Variants in FAM171A1 observed in about 807,000 individuals in gnomAD.
FAM171A1 encodes protein FAM171A1.
FAM171A1 carries 23 observed loss-of-function variants against 74.9 expected under a neutral mutation model. That is an observed-to-expected ratio of 0.31 (90% CI 0.22 to 0.44). FAM171A1 has a LOEUF of 0.44. Ranked by LOEUF, FAM171A1 falls within the 20% of genes least tolerant of loss-of-function variation. The probability of loss-of-function intolerance (pLI) is 1.00; values close to 1 mark genes in which losing one functional copy is unlikely to be tolerated. For synonymous variants in FAM171A1, 527 were observed against 505.7 expected (o/e 1.04, Z -0.57); for missense variants, 1,162 against 1,159.2 (o/e 1.00, Z -0.03).
intron 1 of FAM171A1, among the ~76,000 whole-genome samples, chr10:15,354,960 C>T (rs1037987535): frequency 2.9e-4 from 44 of 152,322 alleles, no homozygotes; most frequent in African/African-American, 1.0e-3. Flanking sequence ...AATAGATATG[C>T]TTAGAACTTA....
intron 3 of FAM171A1, among the ~76,000 whole-genome samples, chr10:15,260,053 C>T (rs1347217310): frequency 6.6e-6 from 1 of 152,084 alleles, no homozygotes; most frequent in Non-Finnish European, 1.5e-5. Flanking sequence ...TCTCAAACTC[C>T]TGGGCTCAAG....
At chr10:15,264,060 C>A (rs543360204) in intron 3 of FAM171A1, among the ~76,000 whole-genome samples, 1 of 152,066 alleles carries the variant, frequency 6.6e-6, no homozygotes, top group Admixed American at 6.5e-5. Flanking sequence ...CTCACTGCAA[C>A]CTTGAACTCC....
At chr10:15,261,249 C>T (rs923806447) in intron 3 of FAM171A1, among the ~76,000 whole-genome samples, 18 of 152,160 alleles carry the variant, frequency 1.2e-4, no homozygotes, top group Non-Finnish European at 1.8e-4. Flanking sequence ...AAACTAAAGC[C>T]GGAGGGTTGC....
intron 5 of FAM171A1, among the ~76,000 whole-genome samples, chr10:15,247,551 C>T (rs1834450847): frequency 6.6e-6 from 1 of 152,180 alleles, no homozygotes; most frequent in South Asian, 2.1e-4. Flanking sequence ...GTATAGTCTA[C>T]TCTCAGTGCT....
At chr10:15,360,795 A>G (rs1835984242) in intron 1 of FAM171A1, among the ~76,000 whole-genome samples, 1 of 152,218 alleles carries the variant, frequency 6.6e-6, no homozygotes, top group Non-Finnish European at 1.5e-5. Flanking sequence ...TTATGCCCCA[A>G]TCTGCTTTCT....
At chr10:15,293,920 T>G (rs1398820079) in intron 1 of FAM171A1, among the ~76,000 whole-genome samples, 1 of 152,138 alleles carries the variant, frequency 6.6e-6, no homozygotes, top group East Asian at 1.9e-4. Flanking sequence ...TTTCCCAGCC[T>G]CCCCTGTAGC....
chr10:15,259,459 C>T (rs1834628375), intron 3 of FAM171A1, among the ~76,000 whole-genome samples: 1 of 152,024 alleles, frequency 6.6e-6, no homozygotes, highest in Non-Finnish European at 1.5e-5. Context: ...ACAAAAAAAA[C>T]AACAAAAATG....
At chr10:15,218,504 A>G (rs1021287935) in intron 6 of FAM171A1, among the ~76,000 whole-genome samples, 5 of 152,320 alleles carry the variant, frequency 3.3e-5, no homozygotes, top group African/African-American at 9.6e-5. Flanking sequence ...TGAAAGCCCA[A>G]TATTAGTATA....
intron 1 of FAM171A1, among the ~76,000 whole-genome samples, chr10:15,336,450 T>C (rs35883774): frequency 0.072 from 10,954 of 152,214 alleles, 505 homozygotes; most frequent in Middle Eastern, 0.11. Context: ...GCTGTGGTGT[T>C]TGTAAGAGCA....
intron 1 of FAM171A1, among the ~76,000 whole-genome samples, chr10:15,287,415 G>GT (rs1835050861): frequency 7.5e-6 from 1 of 133,874 alleles, no homozygotes; most frequent in African/African-American, 2.8e-5. Flanking sequence ...TTTAGACAGA[G>GT]TTTCGCTCTG....
intron 1 of FAM171A1, among the ~76,000 whole-genome samples, chr10:15,343,578 G>A (rs888791880): frequency 6.6e-6 from 1 of 152,170 alleles, no homozygotes; most frequent in Non-Finnish European, 1.5e-5. Context: ...TAGGAAGAGT[G>A]AAAATGACTC....
rs751141685 is a variant in FAM171A1, at chr10:15,221,038, C to G, written c.777G>C (p.Leu259=). Residue 259 remains leucine (L), a synonymous_variant, in exon 6 of 8, where the codon CTG becomes CTC. Transcript: ENST00000378116. ...QKLGTWLKSG[L]GLVHQEGSQL... is the part of the protein sequence containing the mutation. ...GGCTGCCTTCCTGGTGCACAAGACC[C>G]AGACCGCTCTTCAGCCACGTTCCTG... 4.3e-6 allele frequency: 7 copies of G among 1,614,100 alleles called. No homozygotes were observed. The highest frequency in any genetic ancestry group is 5.9e-6 in the Non-Finnish European group (7 of 1,180,000).
At chr10:15,302,128 C>G (rs977281145) in intron 1 of FAM171A1, among the ~76,000 whole-genome samples, 18 of 152,166 alleles carry the variant, frequency 1.2e-4, no homozygotes, top group African/African-American at 4.3e-4. Context: ...TTACACCACA[C>G]TTAGACCCCC....
At chr10:15,222,758 CT>C (rs1403901530) in intron 5 of FAM171A1, among the ~76,000 whole-genome samples, 3 of 152,246 alleles carry the variant, frequency 2.0e-5, no homozygotes, top group African/African-American at 7.2e-5. Flanking sequence ...GATGCCTCCC[CT>C]GGCAGCCGCT....
intron 1 of FAM171A1, among the ~76,000 whole-genome samples, chr10:15,313,086 C>T (rs1365494156): frequency 1.3e-5 from 2 of 152,152 alleles, no homozygotes; most frequent in African/African-American, 4.8e-5. Flanking sequence ...TCTGCATCTC[C>T]CTGTGTGCCA....
chr10:15,321,428 T>A (rs1588552694), intron 1 of FAM171A1, among the ~76,000 whole-genome samples: 1 of 152,180 alleles, frequency 6.6e-6, no homozygotes, highest in African/African-American at 2.4e-5. Context: ...CAATGAGAAG[T>A]CCACAGTGTC....
chr10:15,304,076 T>A (rs1018450028), intron 1 of FAM171A1, among the ~76,000 whole-genome samples: 1 of 152,130 alleles, frequency 6.6e-6, no homozygotes, highest in African/African-American at 2.4e-5. Flanking sequence ...TTGCAGAAAG[T>A]GTCAGAAGCT....
chr10:15,229,585 TCATCACCATCATCAC>T (rs1174364593), intron 5 of FAM171A1, among the ~76,000 whole-genome samples: 4 of 113,418 alleles, frequency 3.5e-5, no homozygotes, highest in South Asian at 2.8e-4. Flanking sequence ...AACGTCATCA[TCATCACCATCATCAC>T]CATCACCATC....
chr10:15,352,308 C>G (rs987795483), intron 1 of FAM171A1, among the ~76,000 whole-genome samples: 5 of 152,088 alleles, frequency 3.3e-5, no homozygotes, highest in African/African-American at 1.2e-4. Context: ...AAGTATCTAA[C>G]TTCAAGTATT....
Sources: allele counts gnomAD v4.1 joint callset (sites outside exome capture counted in the v4.1 genomes callset), GRCh38; gene constraint gnomAD v4.1.1; transcripts MANE v1.5; gene names NCBI Gene and HGNC (gene_info 2026-07-23, HGNC 2026-07-21).